The following TBC1D24 variants were observed in gnomAD, a reference collection of about 807,000 sequenced individuals.
The protein encoded by TBC1D24 is TBC1 domain family member 24, also known as Infantile myoclonic epilepsy.
A neutral mutation model predicts 50.7 loss-of-function variants in TBC1D24; 47 were observed. The observed-to-expected ratio is 0.93, with a 90% CI of 0.73 to 1.18. The LOEUF (loss-of-function observed/expected upper bound fraction) is 1.18, where lower values mean the gene tolerates loss of function less well. TBC1D24 is among the 50% of genes most tolerant of loss of function. The pLI is 0.00. For synonymous variants in TBC1D24, 324 were observed against 335.2 expected (o/e 0.97, Z 0.36); for missense variants, 688 against 766.5 (o/e 0.90, Z 1.21).
chr16:2,488,389 C>A (rs2065667838), intron 1 of TBC1D24, among the ~76,000 whole-genome samples: 1 of 152,034 alleles, frequency 6.6e-6, no homozygotes, highest in African/African-American at 2.4e-5. Context: ...CAGAACTGTG[C>A]CCTGTGGCCA....
chr16:2,496,613 C>G lies in TBC1D24; in HGVS notation c.465C>G (p.Ala155=). 1 of 1,611,152 alleles carries G rather than the reference C, an allele frequency of 6.2e-7. No individual in the cohort carries two copies. The highest frequency in any genetic ancestry group is 8.5e-7 in the Non-Finnish European group (1 of 1,180,018). The change falls in exon 2 of 8, where the codon GCC becomes GCG. Residue 155 remains alanine, a synonymous_variant. Transcript: ENST00000646147. ...ACGAGGCCGAGTGCTTCGAGAAGGC[C>G]TGCCGCATCCTGGCCTGCAATGACC... The part of the protein sequence containing the change: ...SIDEAECFEK[A]CRILACNDPG...
rs370523477 is a variant in TBC1D24, at chr16:2,485,245, G to A, written c.-116+10075G>A. 2.6e-5 allele frequency: 4 copies of A among 152,158 alleles called. No homozygotes were observed. The highest frequency in any genetic ancestry group is 5.9e-5 in the Non-Finnish European group (4 of 68,042). 9.4% of individuals were successfully genotyped at this position (152,158 alleles called of 1,614,324 possible). On this transcript the variant is annotated intron_variant, in intron 1 of 7. Transcript: ENST00000646147. This position sits in a 1 kb window ranked among gnomAD's most constrained non-coding sequence, Gnocchi z 4.6. Reference sequence around the variant, plus strand: ...CTGGAAAGACCAAGGCAGGATTAGCGGGTTAGAACTTTCAGCCCCACCCCC... The same window carrying A: ...CTGGAAAGACCAAGGCAGGATTAGCAGGTTAGAACTTTCAGCCCCACCCCC...
At position 2,475,170 on chromosome 16, in the gene TBC1D24, G is replaced by C. The variant is rs1295645690; in HGVS notation, c.-116G>C. On this transcript the variant is annotated splice_region_variant and 5_prime_UTR_variant, in exon 1 of 8. Transcript: ENST00000646147. This position sits in a 1 kb window ranked among gnomAD's most constrained non-coding sequence, Gnocchi z 4.2. ...GGCTGAGGAGAAAGCGGCGCGCGGA[G>C]GTGGGTGCGCTCGGGGCGTGCGGGG... 2 of 150,178 alleles carry C rather than the reference G, an allele frequency of 1.3e-5. No individual in the cohort carries two copies. The highest frequency in any genetic ancestry group is 3.0e-5 in the Non-Finnish European group (2 of 67,052). 9.3% of individuals were successfully genotyped at this position (150,178 alleles called of 1,614,324 possible).
chr16:2,487,005 T>A lies in TBC1D24; in HGVS notation c.-115-9029T>A, dbSNP rs2065655768. On this transcript the variant is annotated intron_variant, in intron 1 of 7. Coordinates refer to ENST00000646147, the MANE Select transcript of TBC1D24 (RefSeq NM_001199107.2). The surrounding 1 kb of genome is among the most constrained non-coding windows in gnomAD (Gnocchi z 4.1). ...TCCTCCTCCAGGGCCACCAGGGGGA[T>A]TTTTGTAAACGCAGATCTGATCGGG... is the stretch of plus-strand genomic sequence containing the variant. Among the ~76,000 whole-genome samples, 1 of 152,138 alleles carries A rather than the reference T, an allele frequency of 6.6e-6. No individual in the cohort carries two copies. The highest frequency in any genetic ancestry group is 2.4e-5 in the African/African-American group (1 of 41,410).
At position 2,486,195 on chromosome 16, in the gene TBC1D24, T is replaced by G. The variant is rs1244642818; in HGVS notation, c.-115-9839T>G. ...TTTGGATCCCGCCAGGGGAGCCCAC[T>G]GAGAGGAGCCTGCATCTCCTATCAC... On this transcript the variant is annotated intron_variant, in intron 1 of 7. Coordinates refer to ENST00000646147, the MANE Select transcript of TBC1D24 (RefSeq NM_001199107.2). This position sits in a 1 kb window ranked among gnomAD's most constrained non-coding sequence, Gnocchi z 5.8. 6.6e-6 allele frequency among the ~76,000 whole-genome samples: 1 copy of G among 152,142 alleles called. No homozygotes were observed. Among genetic ancestry groups the G allele is most frequent in the Non-Finnish European group, 1.5e-5 (1 of 68,008 alleles).
chr16:2,478,210 G>C (rs993641157), intron 1 of TBC1D24: 1 of 152,462 alleles, frequency 6.6e-6, no homozygotes, highest in African/African-American at 2.4e-5. Context: ...CAGCATTTTG[G>C]GAGGCCAAAG....
chr16:2,498,011 C>A (rs941220584), intron 3 of TBC1D24, among the ~76,000 whole-genome samples: 8 of 152,218 alleles, frequency 5.3e-5, no homozygotes, highest in African/African-American at 1.9e-4. Context: ...GTTGCATTGT[C>A]CCCATCCAAG....
Position 2,501,387 on chromosome 16 carries a change from A to G in TBC1D24, c.*429A>G, listed in dbSNP as rs764027005. On this transcript the variant is annotated 3_prime_UTR_variant, in exon 8 of 8. Transcript: ENST00000646147. The stretch of plus-strand genomic sequence containing the variant: ...CTGTGGTGCCCCCTGCTGGTGCCGC[A>G]TAGCATCGCGCCCTCCTGAGCAGGG... 1.1e-4 allele frequency: 25 copies of G among 222,758 alleles called. No homozygotes were observed. Among genetic ancestry groups the G allele is most frequent in the Admixed American group, 8.8e-4 (17 of 19,238 alleles). 13.8% of individuals were successfully genotyped at this position (222,758 alleles called of 1,614,324 possible).
chr16:2,494,338 G>C (rs1053535649), intron 1 of TBC1D24, among the ~76,000 whole-genome samples: 1 of 151,992 alleles, frequency 6.6e-6, no homozygotes, highest in Admixed American at 6.6e-5. Context: ...CTTGAGCCCG[G>C]GAGGCGGAAG....
rs1297948016 is a variant in TBC1D24 at position 2,505,189 on chromosome 16, C to G, written c.*4231C>G. 6.6e-6 allele frequency: 1 copy of G among 152,214 alleles called. No homozygotes were observed. Among genetic ancestry groups the G allele is most frequent in the Non-Finnish European group, 1.5e-5 (1 of 68,038 alleles). The allele number at this position is 152,214 out of a possible 1,614,324, so 9.4% of individuals were successfully genotyped here. A position where few individuals can be genotyped will look rare whatever the true frequency, so the allele number is the denominator to read the frequency against. On this transcript the variant is annotated 3_prime_UTR_variant, in exon 8 of 8. Coordinates refer to ENST00000646147, the MANE Select transcript of TBC1D24 (RefSeq NM_001199107.2). ...GAAAAGTATGTGGATTTTTAAAAAT[C>G]ATCTGGTATAAAGAGTTTTTAAGAA...
At chr16:2,479,305 C>T (rs1042648475) in intron 1 of TBC1D24, 12 of 152,194 alleles carry the variant, frequency 7.9e-5, no homozygotes, top group African/African-American at 2.9e-4. Flanking sequence ...TGGGGAACCT[C>T]CAGCTTCAGT....
intron 1 of TBC1D24, chr16:2,480,093 G>A (rs1447388384): frequency 6.6e-6 from 1 of 151,816 alleles, no homozygotes; most frequent in African/African-American, 2.4e-5. Flanking sequence ...GCCTCCTAAA[G>A]TGCTGAGATT....
chr16:2,488,243 C>A (rs1332904551), intron 1 of TBC1D24, among the ~76,000 whole-genome samples: 1 of 152,130 alleles, frequency 6.6e-6, no homozygotes, highest in Admixed American at 6.5e-5. Flanking sequence ...ACATAGGCTG[C>A]TGTTGGGTGT....
chr16:2,483,397 G>C lies in TBC1D24; in HGVS notation c.-116+8227G>C, dbSNP rs1041925862. 1 of 152,398 alleles carries C rather than the reference G, an allele frequency of 6.6e-6. No homozygotes were observed. The highest frequency in any genetic ancestry group is 1.5e-5 in the Non-Finnish European group (1 of 68,174). 9.4% of individuals were successfully genotyped at this position (152,398 alleles called of 1,614,324 possible). A position where few individuals can be genotyped will look rare whatever the true frequency, so the allele number is the denominator to read the frequency against. On this transcript the variant is annotated intron_variant, in intron 1 of 7. Coordinates refer to ENST00000646147, the MANE Select transcript of TBC1D24 (RefSeq NM_001199107.2). The surrounding 1 kb of genome is among the most constrained non-coding windows in gnomAD (Gnocchi z 4.0). ...ACAGGAGCGTGGGGTTGGCGGGCGG[G>C]AGTTGGGGCTTGGCAAGACGGTCCA...
intron 4 of TBC1D24, among the ~76,000 whole-genome samples, chr16:2,498,713 C>G (rs1034013609): frequency 2.6e-5 from 4 of 152,242 alleles, no homozygotes; most frequent in African/African-American, 9.6e-5. Context: ...TGTGCTCGCT[C>G]CCCACCCTGT....
At chr16:2,492,211 C>G (rs2065701179) in intron 1 of TBC1D24, among the ~76,000 whole-genome samples, 1 of 152,022 alleles carries the variant, frequency 6.6e-6, no homozygotes, top group African/African-American at 2.4e-5. Context: ...GTCGTGCGCT[C>G]TTTTTGAGTG....
chr16:2,499,500 T>C lies in TBC1D24; in HGVS notation c.1206+80T>C. The C allele has an allele frequency of 7.4e-7, 1 of 1,348,920 alleles. No individual in the cohort carries two copies. Among genetic ancestry groups the C allele is most frequent in the South Asian group, 1.2e-5 (1 of 82,372 alleles). 83.6% of individuals were successfully genotyped at this position (1,348,920 alleles called of 1,614,324 possible). A position where few individuals can be genotyped will look rare whatever the true frequency, so the allele number is the denominator to read the frequency against. On this transcript the variant is annotated intron_variant, in intron 5 of 7. Transcript: ENST00000646147. The surrounding 1 kb of genome is among the most constrained non-coding windows in gnomAD (Gnocchi z 4.0). ...TGATGGGCTCCAGGGCTGGCTCTGA[T>C]GGGCTTCAGGGCCTAGGCCTCCTGG...
Position 2,496,867 on chromosome 16 carries a change from T to C in TBC1D24, c.719T>C (p.Leu240Pro). ...TTCCTGGTGGAGGGCTACAAGGTGC[T>C]GTACCGCGTGGCGCTGGCCATCCTC... ...DVFLVEGYKV[L>P]YRVALAILKF... is the part of the protein sequence containing the mutation. The change falls in exon 2 of 8, where the codon CTG (leucine) becomes CCG (proline). Residue 240 changes from leucine (L) to proline (P), a missense_variant. By Grantham distance (98) the Leu-to-Pro change is moderately conservative. Transcript: ENST00000646147. The C allele has an allele frequency of 1.2e-6, 2 of 1,614,124 alleles. No individual in the cohort carries two copies. The highest frequency in any genetic ancestry group is 1.7e-6 in the Non-Finnish European group (2 of 1,180,040).
intron 1 of TBC1D24, chr16:2,479,021 T>C (rs1490936577): frequency 6.6e-6 from 1 of 151,920 alleles, no homozygotes; most frequent in Non-Finnish European, 1.5e-5. Flanking sequence ...GTCTCCTGAG[T>C]AGCTGGGACT....
Sources: gnomAD v4.1 joint callset for allele counts (sites outside exome capture counted in the v4.1 genomes callset) on GRCh38, gnomAD v4.1.1 for gene constraint, Gnocchi (gnomAD v3.1) non-coding constraint, MANE v1.5 for transcripts, NCBI Gene and HGNC (gene_info 2026-07-23, HGNC 2026-07-21) for gene names.